C3orf49: variants seen among roughly 807,000 people sequenced by gnomAD.
C3orf49 encodes chromosome 3 open reading frame 49.
C3orf49 carries 27 observed loss-of-function variants against 13.3 expected under a neutral mutation model. That is an observed-to-expected ratio of 2.02 (90% CI 1.49 to 2.79). C3orf49 has a LOEUF of 2.79. Ranked by LOEUF, C3orf49 falls within the 30% of genes most tolerant of loss-of-function variation. C3orf49 has a pLI of 0.00. For missense variants in C3orf49, 242 were observed against 134.2 expected (o/e 1.80, Z -3.97); for synonymous variants, 87 against 47.6 (o/e 1.83, Z -3.40).
chr3:63,845,132 T>C, intron 6 of C3orf49, 50 bp downstream of exon 6: 1 of 662,242 alleles, frequency 1.5e-6, no homozygotes, highest in Non-Finnish European at 2.7e-6. Context: ...CTCCTTCATG[T>C]AGCCCTGAGG....
At chr3:63,798,732 G>A in the C3orf49 span, among the ~76,000 whole-genome samples, 1 of 152,112 alleles carries the variant, frequency 6.6e-6, no homozygotes, top group Admixed American at 6.6e-5. Flanking sequence ...GTATGTAGGA[G>A]TGTGTCTAAA....
At position 63,835,049 on chromosome 3, in the gene C3orf49, A is replaced by C. The variant is rs1701600947; in HGVS notation, c.849+3205A>C. On this transcript the variant is annotated intron_variant, in intron 5 of 6. Coordinates refer to ENST00000295896, the MANE Select transcript of C3orf49 (RefSeq NM_001355236.2). Reference sequence around the variant, plus strand: ...ACGTCATCCAGCTACACTGTTCAGAAATTGAAGGTATACTGTCTCTCCAAG... The same window carrying C: ...ACGTCATCCAGCTACACTGTTCAGACATTGAAGGTATACTGTCTCTCCAAG... 4 of 1,114,230 alleles carry C rather than the reference A, an allele frequency of 3.6e-6. No individual in the cohort carries two copies. In the African/African-American group the frequency reaches 6.3e-5, roughly 18 times the overall value. The allele number at this position is 1,114,230 out of a possible 1,614,324, so 69.0% of individuals were successfully genotyped here.
rs762149473 is a variant in C3orf49, at chr3:63,823,375, C to T, written c.251C>T (p.Thr84Met). The T allele has an allele frequency of 3.2e-4, 223 of 703,106 alleles. No homozygotes were observed. The highest frequency in any genetic ancestry group is 5.3e-4 in the Non-Finnish European group (203 of 385,086). 43.6% of individuals were successfully genotyped at this position (703,106 alleles called of 1,614,324 possible). The change falls in exon 2 of 7, where the codon ACG (threonine) becomes ATG (methionine). Residue 84 changes from threonine to methionine, a missense_variant. Transcript: ENST00000295896. ...SQQNQKSNLKTKVKTAFGRML... is the reference protein window; with the variant it reads ...SQQNQKSNLKMKVKTAFGRML... ...CAAAATCAGAAAAGTAATTTGAAGA[C>T]GAAAGTGAAGACTGCTTTTGGGAGG...
intron 5 of C3orf49, chr3:63,834,332 C>T: frequency 1.2e-6 from 1 of 812,494 alleles, no homozygotes; most frequent in South Asian, 1.8e-5. Context: ...TTGAATCAAA[C>T]TTTAAAATTT....
intron 5 of C3orf49, chr3:63,839,610 A>G (rs1208276790): frequency 2.6e-6 from 4 of 1,539,656 alleles, no homozygotes; most frequent in Non-Finnish European, 3.6e-6. Context: ...AGGGCCTAAA[A>G]TCACATTAGG....
At chr3:63,786,451 T>C in the C3orf49 span, among the ~76,000 whole-genome samples, 1 of 152,206 alleles carries the variant, frequency 6.6e-6, no homozygotes, top group Non-Finnish European at 1.5e-5. Flanking sequence ...AGTTTACATT[T>C]AGAGAAACAT....
chr3:63,823,698 A>T (rs1575796189), intron 2 of C3orf49, 129 bp downstream of exon 2: 1 of 602,448 alleles, frequency 1.7e-6, no homozygotes, highest in East Asian at 2.8e-5. Flanking sequence ...CTCAGGCCCT[A>T]CCTGGGACCT....
At chr3:63,835,792 C>T (rs1422332080) in intron 5 of C3orf49, among the ~76,000 whole-genome samples, 1 of 152,042 alleles carries the variant, frequency 6.6e-6, no homozygotes, top group Non-Finnish European at 1.5e-5. Flanking sequence ...ATCTCCTCTA[C>T]CTCCCACTCA....
intron 3 of C3orf49, among the ~76,000 whole-genome samples, chr3:63,829,371 GA>G (rs939293037): frequency 2.0e-5 from 3 of 151,632 alleles, no homozygotes; most frequent in Non-Finnish European, 2.9e-5. Context: ...CATTCATACA[GA>G]AAAAAAATGA....
At chr3:63,838,466 C>A in intron 5 of C3orf49, 1 of 1,609,770 alleles carries the variant, frequency 6.2e-7, no homozygotes, top group Admixed American at 1.7e-5. Context: ...CACATTGAGA[C>A]AGCGTGCTCA....
chr3:63,800,382 C>T, the C3orf49 span, among the ~76,000 whole-genome samples: 1 of 152,056 alleles, frequency 6.6e-6, no homozygotes, highest in Non-Finnish European at 1.5e-5. Context: ...AAGCCTAAAA[C>T]CTCTCATCCA....
the C3orf49 span, among the ~76,000 whole-genome samples, chr3:63,794,280 C>T: frequency 1.3e-5 from 2 of 152,194 alleles, no homozygotes; most frequent in Middle Eastern, 3.4e-3. Flanking sequence ...CATCTTCCTC[C>T]GTTTCTATAA....
the C3orf49 span, among the ~76,000 whole-genome samples, chr3:63,796,553 C>T: frequency 7.2e-5 from 11 of 152,208 alleles, no homozygotes; most frequent in Non-Finnish European, 1.5e-4. Context: ...TCCTCGGGGC[C>T]TTTGTCAGCA....
At chr3:63,817,573 C>G (rs1250271317), upstream of C3orf49, among the ~76,000 whole-genome samples, 1 of 152,006 alleles carries the variant, frequency 6.6e-6, no homozygotes, top group Non-Finnish European at 1.5e-5. Context: ...CGTTACCCGC[C>G]CAAGGACCCA....
chr3:63,796,996 A>C, the C3orf49 span, among the ~76,000 whole-genome samples: 1 of 151,686 alleles, frequency 6.6e-6, no homozygotes, highest in African/African-American at 2.4e-5. Context: ...TGTTTATTTG[A>C]GGTATATTTG....
chr3:63,819,561 G>T lies in C3orf49; in HGVS notation c.90G>T (p.Lys30Asn), dbSNP rs560577765. The change falls in exon 1 of 7, where the codon AAG becomes AAT. Residue 30 changes from lysine to asparagine, a missense_variant. Transcript: ENST00000295896. ...GCCGAAGATTCCAGCAACTCAAGAAGAAAAATGGCTCATTCAAAAGGAAGG... is the reference window on the plus strand; with the variant it reads ...GCCGAAGATTCCAGCAACTCAAGAATAAAAATGGCTCATTCAAAAGGAAGG... ...GQCRRFQQLK[K>N]KNGSFKRKGI... The T allele has an allele frequency of 1.4e-4, 98 of 703,282 alleles. No individual in the cohort carries two copies. The highest frequency in any genetic ancestry group is 2.2e-4 in the Non-Finnish European group (85 of 385,050). The allele number at this position is 703,282 out of a possible 1,614,324, so 43.6% of individuals were successfully genotyped here. A position where few individuals can be genotyped will look rare whatever the true frequency, so the allele number is the denominator to read the frequency against.
the C3orf49 span, among the ~76,000 whole-genome samples, chr3:63,787,415 T>C: frequency 1.3e-5 from 2 of 152,212 alleles, no homozygotes; most frequent in Non-Finnish European, 2.9e-5. Flanking sequence ...GATGCTTGCA[T>C]TTATGTTTGC....
the C3orf49 span, among the ~76,000 whole-genome samples, chr3:63,790,469 C>T: frequency 3.9e-5 from 6 of 152,238 alleles, no homozygotes; most frequent in South Asian, 4.2e-4. Context: ...AATGGGACAA[C>T]GTCCAGAACA....
chr3:63,839,586 C>A, intron 5 of C3orf49: 1 of 1,296,352 alleles, frequency 7.7e-7, no homozygotes. Flanking sequence ...GATCTACTCA[C>A]AGGACCTTAA....
Sources: gnomAD v4.1 joint callset for allele counts (sites outside exome capture counted in the v4.1 genomes callset) on GRCh38, gnomAD v4.1.1 for gene constraint, MANE v1.5 for transcripts, NCBI Gene and HGNC (gene_info 2026-07-23, HGNC 2026-07-21) for gene names.